Variants in IMMP2L observed in about 807,000 individuals in gnomAD.
IMMP2L encodes the protein inner mitochondrial membrane peptidase subunit 2, also known as mitochondrial inner membrane protease subunit 2.
Under a neutral mutation model 19.3 loss-of-function variants are expected in IMMP2L, and 18 were observed. The observed-to-expected ratio is 0.93, with a 90% CI of 0.64 to 1.38. The LOEUF (loss-of-function observed/expected upper bound fraction) is 1.38, where lower values mean the gene tolerates loss of function less well. Among genes scored for constraint, IMMP2L ranks in the 40% most tolerant of loss-of-function variants. The pLI is 0.00. For synonymous variants in IMMP2L, 76 were observed against 73.0 expected (o/e 1.04, Z -0.21); for missense variants, 233 against 218.2 (o/e 1.07, Z -0.43).
intron 3 of IMMP2L, among the ~76,000 whole-genome samples, chr7:111,357,823 C>G (rs1271833813): frequency 6.6e-6 from 1 of 151,894 alleles, no homozygotes; most frequent in African/African-American, 2.4e-5. Flanking sequence ...CTATCTGGTA[C>G]TTTTAACCAT....
At chr7:111,194,792 T>C (rs1809294363) in intron 3 of IMMP2L, among the ~76,000 whole-genome samples, 1 of 152,174 alleles carries the variant, frequency 6.6e-6, no homozygotes, top group South Asian at 2.1e-4. Context: ...TCTAACCTTA[T>C]ATTAGAAATC....
chr7:111,008,098 A>G (rs183101838), intron 3 of IMMP2L, among the ~76,000 whole-genome samples: 1 of 152,114 alleles, frequency 6.6e-6, no homozygotes, highest in Non-Finnish European at 1.5e-5. Context: ...TACTACTACA[A>G]TAGCCTCCAA....
intron 5 of IMMP2L, among the ~76,000 whole-genome samples, chr7:110,738,530 A>T (rs1562947693): frequency 6.6e-6 from 1 of 152,244 alleles, no homozygotes; most frequent in Admixed American, 6.5e-5. Flanking sequence ...AAGAAAAAAG[A>T]ATTTTAAAAA....
chr7:110,865,026 A>G (rs1807838339), intron 5 of IMMP2L, among the ~76,000 whole-genome samples: 1 of 152,054 alleles, frequency 6.6e-6, no homozygotes, highest in African/African-American at 2.4e-5. Context: ...CCTGTCTAAT[A>G]TTATTTAGGA....
intron 3 of IMMP2L, among the ~76,000 whole-genome samples, chr7:111,256,074 T>G (rs1327683854): frequency 6.6e-6 from 1 of 152,074 alleles, no homozygotes; most frequent in Non-Finnish European, 1.5e-5. Flanking sequence ...TACTATACAT[T>G]GTATATTATT....
intron 3 of IMMP2L, among the ~76,000 whole-genome samples, chr7:111,005,763 G>C (rs1055694314): frequency 3.3e-5 from 5 of 152,148 alleles, no homozygotes; most frequent in Non-Finnish European, 7.3e-5. Flanking sequence ...CTTCAGGAGA[G>C]AGTAAAGAAT....
In IMMP2L at chr7:110,850,092, G is replaced by A. The variant is rs188162430; in HGVS notation, c.408+36501C>T. On this transcript the variant is annotated intron_variant, in intron 5 of 5. Coordinates refer to ENST00000405709, the MANE Select transcript of IMMP2L (RefSeq NM_032549.4). ...CTAGAAATTCAAAGAGAATCAGTGAGAAAACTACTAAAGTCAGAAAATATA... is the reference window on the plus strand; with the variant it reads ...CTAGAAATTCAAAGAGAATCAGTGAAAAAACTACTAAAGTCAGAAAATATA... Among the ~76,000 whole-genome samples the A allele has an allele frequency of 6.8e-3, 1,035 of 151,942 alleles. 2 individuals carry two copies. The highest frequency in any genetic ancestry group is 0.011 in the Non-Finnish European group (765 of 67,920).
intron 3 of IMMP2L, among the ~76,000 whole-genome samples, chr7:111,072,683 C>G (rs894677923): frequency 1.3e-5 from 2 of 152,088 alleles, no homozygotes; most frequent in Non-Finnish European, 2.9e-5. Context: ...ATCACGAGGT[C>G]AGGAGATTGA....
chr7:111,016,277 T>A (rs1302307773), intron 3 of IMMP2L, among the ~76,000 whole-genome samples: 1 of 149,200 alleles, frequency 6.7e-6, no homozygotes, highest in Non-Finnish European at 1.5e-5. Context: ...GCTACATGGA[T>A]GTTACTTGAA....
intron 4 of IMMP2L, among the ~76,000 whole-genome samples, chr7:110,930,442 G>A (rs937582906): frequency 3.1e-4 from 47 of 152,074 alleles, no homozygotes; most frequent in Non-Finnish European, 1.2e-4. Flanking sequence ...AAAAGGAGGA[G>A]AGCAAATGTT....
intron 5 of IMMP2L, among the ~76,000 whole-genome samples, chr7:110,688,585 A>C (rs745778506): frequency 6.6e-6 from 1 of 152,130 alleles, no homozygotes; most frequent in Non-Finnish European, 1.5e-5. Flanking sequence ...CCAAAGAAAC[A>C]TAAGTTAAAA....
intron 5 of IMMP2L, among the ~76,000 whole-genome samples, chr7:110,740,001 T>C (rs1287148355): frequency 3.3e-5 from 5 of 152,110 alleles, no homozygotes; most frequent in Non-Finnish European, 7.4e-5. Context: ...AATTTAAAAG[T>C]TCTTTGAACT....
intron 3 of IMMP2L, among the ~76,000 whole-genome samples, chr7:111,211,228 C>T (rs1337998614): frequency 6.6e-6 from 1 of 152,046 alleles, no homozygotes; most frequent in Non-Finnish European, 1.5e-5. Flanking sequence ...AGATAGGCCC[C>T]AAAACATAAA....
At chr7:111,499,163 TG>T (rs1489574979) in intron 2 of IMMP2L, among the ~76,000 whole-genome samples, 2 of 152,112 alleles carry the variant, frequency 1.3e-5, no homozygotes, top group Non-Finnish European at 2.9e-5. Flanking sequence ...AACTCCCTCG[TG>T]TAAGCATCTA....
intron 5 of IMMP2L, among the ~76,000 whole-genome samples, chr7:110,666,435 C>T (rs577446908): frequency 4.3e-4 from 66 of 152,088 alleles, no homozygotes; most frequent in African/African-American, 1.4e-3. Flanking sequence ...CCACCATGCC[C>T]GGCTAATTTT....
At position 110,768,184 on chromosome 7, in the gene IMMP2L, G is replaced by T. The variant is rs949818530; in HGVS notation, c.409-104463C>A. Among the ~76,000 whole-genome samples the T allele has an allele frequency of 8.7e-5, 13 of 148,590 alleles. 1 individual carries two copies. In the South Asian group the frequency reaches 2.4e-3, roughly 28 times the overall value. On this transcript the variant is annotated intron_variant, in intron 5 of 5. Coordinates refer to ENST00000405709, the MANE Select transcript of IMMP2L (RefSeq NM_032549.4). The stretch of plus-strand genomic sequence containing the variant: ...GATTGGGGAAGGCCTCCAGGAAGGG[G>T]TGACATTTGACTAGATCTAGAATAA...
chr7:111,478,986 C>T (rs1841957877), intron 3 of IMMP2L, among the ~76,000 whole-genome samples: 1 of 152,136 alleles, frequency 6.6e-6, no homozygotes, highest in Admixed American at 6.5e-5. Flanking sequence ...TCAAAGAATA[C>T]ATTTTGATTT....
chr7:111,219,081 C>T (rs1387545109), intron 3 of IMMP2L, among the ~76,000 whole-genome samples: 2 of 151,914 alleles, frequency 1.3e-5, no homozygotes, highest in Non-Finnish European at 2.9e-5. Context: ...AAAAAGACTA[C>T]GTGGCTAACA....
intron 5 of IMMP2L, among the ~76,000 whole-genome samples, chr7:110,857,821 T>A (rs186036030): frequency 6.6e-6 from 1 of 152,188 alleles, no homozygotes; most frequent in African/African-American, 2.4e-5. Context: ...AGTCCTAATT[T>A]ATTTTGATAA....
Sources: allele counts gnomAD v4.1 joint callset (sites outside exome capture counted in the v4.1 genomes callset), GRCh38; gene constraint gnomAD v4.1.1; transcripts MANE v1.5; gene names NCBI Gene and HGNC (gene_info 2026-07-23, HGNC 2026-07-21).